The following TMC6 variants were observed in gnomAD, a reference collection of about 807,000 sequenced individuals.
The protein encoded by TMC6 is transmembrane channel like 6.
A neutral mutation model predicts 95.4 loss-of-function variants in TMC6; 71 were observed. The observed-to-expected ratio is 0.74, with a 90% CI of 0.61 to 0.91. The LOEUF is 0.91. Ranked by LOEUF, TMC6 falls within the 40% of genes least tolerant of loss-of-function variation. The pLI, the probability that TMC6 is intolerant of heterozygous loss-of-function variation, is 0.00. For synonymous variants in TMC6, 514 were observed against 483.1 expected, an observed-to-expected ratio of 1.06 and a Z score of -0.84; for missense variants, 1,074 against 1,079.1, an observed-to-expected ratio of 1.00 and a Z score of 0.07.
At chr17:78,131,768 T>C, upstream of TMC6, 13 of 1,561,042 alleles carry the variant, frequency 8.3e-6, no homozygotes, top group Non-Finnish European at 1.1e-5. Context: ...AGACGGTGCG[T>C]GGGGGGGGTG....
In TMC6 at chr17:78,124,701, C is replaced by T; in HGVS notation, c.714G>A (p.Gly238=). The T allele has an allele frequency of 6.3e-7, 1 of 1,599,972 alleles. No homozygotes were observed. Among genetic ancestry groups the T allele is most frequent in the East Asian group, 2.3e-5 (1 of 44,178 alleles). The change falls in exon 8 of 20, where the codon GGG becomes GGA. Residue 238 remains glycine (G), a synonymous_variant. Coordinates refer to ENST00000590602, the MANE Select transcript of TMC6 (RefSeq NM_001127198.5). ...MPWRYALKRI[G]GQFGSSVLSY... The stretch of plus-strand genomic sequence containing the variant: ...AGAGCACGCTGGAGCCGAACTGGCC[C>T]CCGATGCGCTTCAGGGCGTAGCGCC...
rs1475849076 is a variant in TMC6, at chr17:78,112,215, G to A, written c.*933C>T. 4.0e-6 allele frequency: 1 copy of A among 247,282 alleles called. No homozygotes were observed. The highest frequency in any genetic ancestry group is 8.0e-6 in the Non-Finnish European group (1 of 124,930). The allele number at this position is 247,282 out of a possible 1,614,324, so 15.3% of individuals were successfully genotyped here. On this transcript the variant is annotated 3_prime_UTR_variant, in exon 20 of 20. Coordinates refer to ENST00000590602, the MANE Select transcript of TMC6 (RefSeq NM_001127198.5). ...ATGACGGGCTGGTCCCCGCAGGCCT[G>A]GAGAACTGAGGCTGACGGGCTGGTC...
rs2145224746 is a variant in TMC6 at position 78,121,622 on chromosome 17, C to T, written c.1317G>A (p.Leu439=). The T allele has an allele frequency of 6.2e-7, 1 of 1,610,206 alleles. No homozygotes were observed. ...AGCCCAGCGCGGTCCCCAGACACAG[C>T]AGCCACACAAGCCCCAGCACAGCCG... The part of the protein sequence containing the change: ...RQAAVLGLVW[L]LCLGTALGCA... The change falls in exon 11 of 20, where the codon CTG becomes CTA. Residue 439 remains leucine (L), a synonymous_variant. Coordinates refer to ENST00000590602, the MANE Select transcript of TMC6 (RefSeq NM_001127198.5). This position sits in a 1 kb window ranked among gnomAD's most constrained non-coding sequence, Gnocchi z 5.6.
rs3818147 is a variant in TMC6 at position 78,122,372 on chromosome 17, G to C, written c.1227+233C>G. Among the ~76,000 whole-genome samples, 103,136 of 151,692 alleles carry C rather than the reference G, an allele frequency of 0.68. 35,326 individuals are homozygous for C. The highest frequency in any genetic ancestry group is 0.78 in the Middle Eastern group (227 of 292). On this transcript the variant is annotated intron_variant, in intron 10 of 19. Coordinates refer to ENST00000590602, the MANE Select transcript of TMC6 (RefSeq NM_001127198.5). This position sits in a 1 kb window ranked among gnomAD's most constrained non-coding sequence, Gnocchi z 4.9. ...GCCCACGGGGCCATGGCGCTACTAC[G>C]CGCTAGCAGACAACAGAGGCAGCCC...
At chr17:78,115,610 CAG>C (rs201689884) in intron 18 of TMC6, among the ~76,000 whole-genome samples, 9 of 144,554 alleles carry the variant, frequency 6.2e-5, no homozygotes, top group East Asian at 4.0e-4. Context: ...TCCTCCTGGG[CAG>C]AGAGGAGCGA....
intron 13 of TMC6, 50 bp from the exon 14 acceptor site, chr17:78,119,442 G>A: frequency 6.2e-7 from 1 of 1,600,758 alleles, no homozygotes; most frequent in Non-Finnish European, 8.6e-7. Flanking sequence ...TGCCCAGGGA[G>A]GCCAGCCTGA....
Position 78,109,582 on chromosome 17 carries a change from G to A in TMC6, c.*3566C>T. On this transcript the variant is annotated 3_prime_UTR_variant, in exon 20 of 20. Coordinates refer to ENST00000590602, the MANE Select transcript of TMC6 (RefSeq NM_001127198.5). ...GGAGGTCGAGGCTGCAGTGAGCTGT[G>A]ATCGTGCCACTGTGCTCCGGGATGG... The A allele has an allele frequency of 2.2e-6, 1 of 455,864 alleles. No individual in the cohort carries two copies. Among genetic ancestry groups the A allele is most frequent in the South Asian group, 1.5e-5 (1 of 64,532 alleles). The allele number at this position is 455,864 out of a possible 1,614,324, so 28.2% of individuals were successfully genotyped here. A position where few individuals can be genotyped will look rare whatever the true frequency, so the allele number is the denominator to read the frequency against.
chr17:78,131,801 G>A, upstream of TMC6: 1 of 1,527,944 alleles, frequency 6.5e-7, no homozygotes, highest in Non-Finnish European at 8.8e-7. Flanking sequence ...CCCGTCGGAT[G>A]GTGTGGGAGC....
chr17:78,132,252 G>A (rs527901901), upstream of TMC6: 264 of 1,454,006 alleles, frequency 1.8e-4, no homozygotes, highest in South Asian at 2.9e-3. Context: ...GGGCGGGTGG[G>A]AGCCTGGCGG....
chr17:78,124,230 G>C (rs563375104), intron 8 of TMC6, 51 bp from the exon 9 acceptor site: 3 of 1,602,756 alleles, frequency 1.9e-6, no homozygotes, highest in South Asian at 1.1e-5. Context: ...CGCCCCACCC[G>C]ACCCTCAGGC....
At chr17:78,124,847 T>A in intron 7 of TMC6, 42 bp downstream of exon 7, 1 of 1,580,912 alleles carries the variant, frequency 6.3e-7, no homozygotes, top group Non-Finnish European at 8.6e-7. Flanking sequence ...ACCCCAGCCC[T>A]GCCCAGCCGC....
At position 78,122,535 on chromosome 17, in the gene TMC6, T is replaced by C; in HGVS notation, c.1227+70A>G. ...CTAGACCATGGTTCTGGTCACATGG[T>C]CCTAAGTGGACCCAGGGCCAGGCCT... On this transcript the variant is annotated intron_variant, in intron 10 of 19. Transcript: ENST00000590602. This position sits in a 1 kb window ranked among gnomAD's most constrained non-coding sequence, Gnocchi z 4.9. The C allele has an allele frequency of 2.5e-6, 4 of 1,594,026 alleles. No homozygotes were observed. Among genetic ancestry groups the C allele is most frequent in the Non-Finnish European group, 3.4e-6 (4 of 1,177,340 alleles).
rs182681769 is a variant in TMC6 at position 78,112,720 on chromosome 17, G to C, written c.*428C>G. On this transcript the variant is annotated 3_prime_UTR_variant, in exon 20 of 20. Coordinates refer to ENST00000590602, the MANE Select transcript of TMC6 (RefSeq NM_001127198.5). The stretch of plus-strand genomic sequence containing the variant: ...GCAGGTGTAAGCCCCTCCTGGGCGC[G>C]AGTTCAGGCTGGTCAAAGGCAGCAA... 3,177 of 247,132 alleles carry C rather than the reference G, an allele frequency of 0.013. 56 individuals are homozygous for C. The highest frequency in any genetic ancestry group is 0.014 in the Non-Finnish European group (1,787 of 125,246). The allele number at this position is 247,132 out of a possible 1,614,324, so 15.3% of individuals were successfully genotyped here. A position where few individuals can be genotyped will look rare whatever the true frequency, so the allele number is the denominator to read the frequency against.
rs2145219003 is a variant in TMC6, at chr17:78,121,458, T to C, written c.1383+98A>G. On this transcript the variant is annotated intron_variant, in intron 11 of 19. Transcript: ENST00000590602. This position sits in a 1 kb window ranked among gnomAD's most constrained non-coding sequence, Gnocchi z 5.6. ...TACGTGGCACCCTGGGCTGGCTGGG[T>C]GGAGGAGGAGAGGCAAGGCTGCCTC... The C allele has an allele frequency of 6.4e-7, 1 of 1,572,032 alleles. No homozygotes were observed. The highest frequency in any genetic ancestry group is 1.1e-5 in the South Asian group (1 of 87,036).
chr17:78,125,714 C>T lies in TMC6; in HGVS notation c.430+12G>A. ...GTGTCCGCCACTGGGGCTCCAGTGC[C>T]CACTCACTCACCCTCCTCCTCCAGG... On this transcript the variant is annotated intron_variant, in intron 5 of 19. Transcript: ENST00000590602. The T allele has an allele frequency of 6.4e-7, 1 of 1,561,342 alleles. No individual in the cohort carries two copies. The highest frequency in any genetic ancestry group is 8.7e-7 in the Non-Finnish European group (1 of 1,153,388).
chr17:78,123,087 C>T, intron 9 of TMC6: 1 of 429,120 alleles, frequency 2.3e-6, no homozygotes, highest in Admixed American at 3.6e-5. Flanking sequence ...AAAACATCTT[C>T]CCTGCTTCCT....
In TMC6 at chr17:78,126,543, CT is replaced by C. The variant is rs1448474385; in HGVS notation, c.161del (p.Gln54ArgfsTer6). The C allele has an allele frequency of 1.2e-6, 2 of 1,613,732 alleles. No individual in the cohort carries two copies. The highest frequency in any genetic ancestry group is 1.7e-6 in the Non-Finnish European group (2 of 1,179,998). On this transcript the variant is annotated frameshift_variant, in exon 3 of 20. Coordinates refer to ENST00000590602, the MANE Select transcript of TMC6 (RefSeq NM_001127198.5). LOFTEE classifies it high-confidence loss of function. ...CTAQEGLELQ[Q>X]REREVTGSSQ... ...GCTCACCTGTCACCTCCCGCTCTCTCTGCTGCAGCTCCAGCCCCTCCTGGGC... is the reference window on the plus strand; with the variant it reads ...GCTCACCTGTCACCTCCCGCTCTCTCGCTGCAGCTCCAGCCCCTCCTGGGC...
In TMC6 at chr17:78,128,569, GC is replaced by G. The variant is rs1373637333; in HGVS notation, c.-75+42del. 8 of 152,410 alleles carry G rather than the reference GC, an allele frequency of 5.2e-5. No homozygotes were observed. Among genetic ancestry groups the G allele is most frequent in the Admixed American group, 5.2e-4 (8 of 15,286 alleles). 9.4% of individuals were successfully genotyped at this position (152,410 alleles called of 1,614,324 possible). On this transcript the variant is annotated intron_variant, in intron 1 of 19. Transcript: ENST00000590602. The surrounding 1 kb of genome is among the most constrained non-coding windows in gnomAD (Gnocchi z 4.0). Reference sequence around the variant, plus strand: ...CCGCTGTCCCCGCATAGGAGAAGCAGCTGGGGCTGGCGGGACCCGGGACCGG... The same window carrying G: ...CCGCTGTCCCCGCATAGGAGAAGCAGTGGGGCTGGCGGGACCCGGGACCGG...
rs941696131 is a variant in TMC6 at position 78,113,112 on chromosome 17, G to A, written c.*36C>T. 1.7e-5 allele frequency: 27 copies of A among 1,549,604 alleles called. No individual in the cohort carries two copies. The African/African-American group carries it at 2.5e-4, about 14-fold the overall frequency. ...TGGGAGGCAACAGTGTGGTCTCAGGGTGCTGGGCGGGCCCGTGAGGCCCAT... is the reference window on the plus strand; with the variant it reads ...TGGGAGGCAACAGTGTGGTCTCAGGATGCTGGGCGGGCCCGTGAGGCCCAT... On this transcript the variant is annotated 3_prime_UTR_variant, in exon 20 of 20. Coordinates refer to ENST00000590602, the MANE Select transcript of TMC6 (RefSeq NM_001127198.5).
Sources: gnomAD v4.1 joint callset for allele counts (sites outside exome capture counted in the v4.1 genomes callset) on GRCh38, gnomAD v4.1.1 for gene constraint, Gnocchi (gnomAD v3.1) non-coding constraint, MANE v1.5 for transcripts, NCBI Gene and HGNC (gene_info 2026-07-23, HGNC 2026-07-21) for gene names.